The following MIB1 variants were observed in gnomAD, a reference collection of about 807,000 sequenced individuals.
The protein encoded by MIB1 is E3 ubiquitin-protein ligase MIB1.
Under a neutral mutation model 124.5 loss-of-function variants are expected in MIB1, and 278 were observed. The ratio of observed to expected loss-of-function variants is 2.23; its 90% confidence interval spans 2.02 to 2.47. The LOEUF (loss-of-function observed/expected upper bound fraction) is 2.47, where lower values mean the gene tolerates loss of function less well. Among genes scored for constraint, MIB1 ranks in the 30% most tolerant of loss-of-function variants. The probability of loss-of-function intolerance (pLI) is 0.00; values close to 1 mark genes in which losing one functional copy is unlikely to be tolerated. For synonymous variants in MIB1, 446 were observed against 429.4 expected, an observed-to-expected ratio of 1.04 and a Z score of -0.48; for missense variants, 957 against 1,254.4, an observed-to-expected ratio of 0.76 and a Z score of 3.58.
chr18:21,768,753 G>T lies in MIB1; in HGVS notation c.531+1G>T, dbSNP rs1195745791. The T allele has an allele frequency of 1.2e-6, 2 of 1,608,276 alleles. No individual in the cohort carries two copies. Among genetic ancestry groups the T allele is most frequent in the South Asian group, 1.1e-5 (1 of 90,164 alleles). ...TGGAGGAAATGGACGTAGGGGAAAG[G>T]TACAGTGTTTCTCTGAATTCATTAT... On this transcript the variant is annotated splice_donor_variant, in intron 3 of 20. Coordinates refer to ENST00000261537, the MANE Select transcript of MIB1 (RefSeq NM_020774.4). LOFTEE classifies it high-confidence loss of function.
chr18:21,770,574 CCTCCCAAAGTG>C (rs1340376419), intron 3 of MIB1, among the ~76,000 whole-genome samples: 1 of 152,154 alleles, frequency 6.6e-6, no homozygotes, highest in African/African-American at 2.4e-5. Flanking sequence ...CCTGCCTCCA[CCTCCCAAAGTG>C]CTGGGATTAC....
At chr18:21,815,449 C>T (rs2041821416) in intron 10 of MIB1, among the ~76,000 whole-genome samples, 167 bp from the exon 11 acceptor site, 1 of 152,142 alleles carries the variant, frequency 6.6e-6, no homozygotes, top group Admixed American at 6.6e-5. Context: ...TCCCAAAGTG[C>T]TGGGATTACA....
At chr18:21,739,706 T>C (rs1171026687), upstream of MIB1, among the ~76,000 whole-genome samples, 1 of 151,766 alleles carries the variant, frequency 6.6e-6, no homozygotes, top group Non-Finnish European at 1.5e-5. Context: ...AATAGTGAGA[T>C]ATATCCCCCA....
intron 3 of MIB1, among the ~76,000 whole-genome samples, chr18:21,770,535 G>A (rs1028709560): frequency 8.6e-5 from 13 of 152,002 alleles, no homozygotes; most frequent in African/African-American, 3.1e-4. Context: ...GCCCAGGCTG[G>A]TCTCGAACTC....
At chr18:21,843,363 G>A in intron 14 of MIB1, 146 bp downstream of exon 14, 1 of 539,082 alleles carries the variant, frequency 1.9e-6, no homozygotes, top group Non-Finnish European at 3.1e-6. Context: ...TAAATACAAT[G>A]TGATCTGCCA....
chr18:21,778,214 T>A (rs1914747394), intron 5 of MIB1, 45 bp downstream of exon 5: 2 of 1,304,200 alleles, frequency 1.5e-6, no homozygotes, highest in Middle Eastern at 3.7e-4. Context: ...TGGGTCAGAG[T>A]TCGTGGAATC....
intron 4 of MIB1, among the ~76,000 whole-genome samples, chr18:21,776,721 C>T (rs1216009026): frequency 1.3e-5 from 2 of 152,328 alleles, no homozygotes; most frequent in South Asian, 2.1e-4. Context: ...CAGTGGCTCA[C>T]GCTTGTAATC....
At chr18:21,788,582 C>T (rs1367138992) in intron 6 of MIB1, among the ~76,000 whole-genome samples, 1 of 152,200 alleles carries the variant, frequency 6.6e-6, no homozygotes, top group East Asian at 1.9e-4. Context: ...CACTTTATTA[C>T]TTCTGTTCAA....
In MIB1 at chr18:21,870,359, A is replaced by G. The variant is rs2077190627; in HGVS notation, c.*5693A>G. ...TTCAGCATAAGTGTCCACATCTAGA[A>G]GGCTCTCATTGCAGTTGTTTACAGT... On this transcript the variant is annotated 3_prime_UTR_variant, in exon 21 of 21. Transcript: ENST00000261537. 1 of 152,180 alleles carries G rather than the reference A, an allele frequency of 6.6e-6. No individual in the cohort carries two copies. Among genetic ancestry groups the G allele is most frequent in the South Asian group, 2.1e-4 (1 of 4,830 alleles). 9.4% of individuals were successfully genotyped at this position (152,180 alleles called of 1,614,324 possible).
At chr18:21,770,049 C>T (rs1012047544) in intron 3 of MIB1, among the ~76,000 whole-genome samples, 3 of 151,624 alleles carry the variant, frequency 2.0e-5, no homozygotes, top group African/African-American at 7.3e-5. Flanking sequence ...ACTAAAAATA[C>T]AAAAATTAGC....
chr18:21,855,953 G>A (rs1023643210), intron 18 of MIB1, among the ~76,000 whole-genome samples: 8 of 152,146 alleles, frequency 5.3e-5, no homozygotes, highest in Admixed American at 3.3e-4. Context: ...TAACAGGGCC[G>A]GGCGCGGTGG....
chr18:21,783,089 C>T (rs1357551637), intron 6 of MIB1, among the ~76,000 whole-genome samples: 1 of 151,980 alleles, frequency 6.6e-6, no homozygotes, highest in African/African-American at 2.4e-5. Context: ...ATAATTATTC[C>T]TGCTCTTTTT....
chr18:21,759,648 A>G (rs1223513089), intron 1 of MIB1, among the ~76,000 whole-genome samples: 1 of 152,170 alleles, frequency 6.6e-6, no homozygotes, highest in Non-Finnish European at 1.5e-5. Context: ...TATCCCTAAT[A>G]TATGTATCCA....
chr18:21,763,904 C>T (rs1398842344), intron 1 of MIB1, among the ~76,000 whole-genome samples: 1 of 152,056 alleles, frequency 6.6e-6, no homozygotes, highest in Non-Finnish European at 1.5e-5. Flanking sequence ...TTTTTCTCCA[C>T]ACTGCAGCAG....
In MIB1 at chr18:21,740,803, G is replaced by T. The variant is rs534765338; in HGVS notation, c.-781G>T. 6.6e-6 allele frequency among the ~76,000 whole-genome samples: 1 copy of T among 152,236 alleles called. No homozygotes were observed. The highest frequency in any genetic ancestry group is 1.5e-5 in the Non-Finnish European group (1 of 68,032). On this transcript the variant is annotated 5_prime_UTR_variant, in exon 1 of 21. Coordinates refer to ENST00000261537, the MANE Select transcript of MIB1 (RefSeq NM_020774.4). ...GCATGCGCACTCTCCTTGGACCCTG[G>T]AGAGACGCTTAGGGATCAGTTTTCT...
At chr18:21,861,267 C>CTAATACATCTAATA (rs889110203) in intron 20 of MIB1, among the ~76,000 whole-genome samples, 2 of 151,926 alleles carry the variant, frequency 1.3e-5, no homozygotes, top group African/African-American at 4.8e-5. Context: ...TTTAATATAT[C>CTAATACATCTAATA]TAATACATCT....
At chr18:21,758,447 GAATCCATA>G (rs2146396791) in intron 1 of MIB1, among the ~76,000 whole-genome samples, 1 of 152,252 alleles carries the variant, frequency 6.6e-6, no homozygotes, top group East Asian at 1.9e-4. Context: ...AAAGTTGAAT[GAATCCATA>G]AATTAGAATT....
chr18:21,737,564 A>G (rs1304377580), upstream of MIB1, among the ~76,000 whole-genome samples: 2 of 152,202 alleles, frequency 1.3e-5, no homozygotes, highest in African/African-American at 4.8e-5. Flanking sequence ...AAGTGCCCCA[A>G]TTAAAAGACA....
intron 10 of MIB1, among the ~76,000 whole-genome samples, chr18:21,811,699 G>C (rs965491488): frequency 2.0e-5 from 3 of 151,958 alleles, no homozygotes; most frequent in African/African-American, 7.2e-5. Flanking sequence ...TTCCAGAGAT[G>C]GGGGGGTAGG....
Sources: gnomAD v4.1 joint callset for allele counts (sites outside exome capture counted in the v4.1 genomes callset) on GRCh38, gnomAD v4.1.1 for gene constraint, MANE v1.5 for transcripts, NCBI Gene and HGNC (gene_info 2026-07-23, HGNC 2026-07-21) for gene names.